POGZ: variants seen among roughly 807,000 people sequenced by gnomAD.
POGZ encodes pogo transposable element derived with ZNF domain, also known as pogo transposable element with ZNF domain.
In POGZ, 17 loss-of-function variants were observed where a neutral mutation model predicts 134.6. The ratio of observed to expected loss-of-function variants is 0.13; its 90% CI spans 0.09 to 0.19. The LOEUF (loss-of-function observed/expected upper bound fraction) is 0.19. Among genes scored for constraint, POGZ ranks in the 10% least tolerant of loss-of-function variants. The pLI is 1.00. For synonymous variants in POGZ, 693 were observed against 657.1 expected (o/e 1.05, Z -0.84); for missense variants, 1,306 against 1,769.7 (o/e 0.74, Z 4.70).
At chr1:151,439,926 TTAA>T (rs1660250609) in intron 3 of POGZ, among the ~76,000 whole-genome samples, 1 of 152,200 alleles carries the variant, frequency 6.6e-6, no homozygotes. Context: ...CAACCCATTG[TTAA>T]TAAGTTAATC....
At chr1:151,429,805 C>T (rs1353691147) in intron 4 of POGZ, 94 bp from the exon 5 acceptor site, 7 of 583,490 alleles carry the variant, frequency 1.2e-5, no homozygotes. Context: ...AATTCCCATA[C>T]TCTTACTTAA....
At chr1:151,446,243 T>A (rs1299780567) in intron 1 of POGZ, among the ~76,000 whole-genome samples, 1 of 137,530 alleles carries the variant, frequency 7.3e-6, no homozygotes, top group Non-Finnish European at 1.6e-5. Flanking sequence ...ATACCAAATC[T>A]TTCTCATAAG....
intron 3 of POGZ, among the ~76,000 whole-genome samples, chr1:151,440,384 T>C (rs913170147): frequency 3.3e-5 from 5 of 152,048 alleles, no homozygotes; most frequent in South Asian, 2.1e-4. Flanking sequence ...AGTGTAGAAA[T>C]AGACATTAGA....
intron 10 of POGZ, among the ~76,000 whole-genome samples, chr1:151,420,689 T>C (rs989704699): frequency 1.3e-5 from 2 of 152,152 alleles, no homozygotes; most frequent in South Asian, 2.1e-4. Context: ...ACCAGCAACA[T>C]GTATCTAGTG....
intron 10 of POGZ, among the ~76,000 whole-genome samples, chr1:151,421,867 C>T (rs980436844): frequency 6.6e-6 from 1 of 152,208 alleles, no homozygotes; most frequent in Non-Finnish European, 1.5e-5. Context: ...ATTCTCATGC[C>T]TTGGCTTCCT....
At chr1:151,432,498 G>A (rs145890704) in intron 3 of POGZ, among the ~76,000 whole-genome samples, 1 of 152,200 alleles carries the variant, frequency 6.6e-6, no homozygotes, top group Non-Finnish European at 1.5e-5. Context: ...ATTCCAGCAA[G>A]TTCTATCCAT....
intron 3 of POGZ, among the ~76,000 whole-genome samples, chr1:151,434,312 T>C (rs1046174528): frequency 2.0e-5 from 3 of 151,330 alleles, no homozygotes; most frequent in South Asian, 2.1e-4. Flanking sequence ...GTCTCAAAAA[T>C]AAAAAATGAA....
At chr1:151,423,277 A>G (rs1180518312) in intron 10 of POGZ, 120 bp downstream of exon 10, 3 of 817,344 alleles carry the variant, frequency 3.7e-6, no homozygotes, top group Non-Finnish European at 5.9e-6. Context: ...ACAAATATGA[A>G]AAGTACTTCC....
chr1:151,452,549 T>C (rs1462771240), intron 1 of POGZ, among the ~76,000 whole-genome samples: 1 of 152,038 alleles, frequency 6.6e-6, no homozygotes. Flanking sequence ...TCAAAAAATA[T>C]TTGGCATGGG....
rs1030558899 is a variant in POGZ at position 151,449,625 on chromosome 1, A to G, written c.-1-7420T>C. 1.6e-4 allele frequency among the ~76,000 whole-genome samples: 25 copies of G among 152,244 alleles called. 1 individual carries two copies. Among genetic ancestry groups the G allele is most frequent in the African/African-American group, 5.8e-4 (24 of 41,470 alleles). ...ATATTTGTCCTCTCAGGCCAGGCAC[A>G]GTGGCTCACGCCTGTAATCCCAGCA... is the stretch of plus-strand genomic sequence containing the variant. On this transcript the variant is annotated intron_variant, in intron 1 of 18. Coordinates refer to ENST00000271715, the MANE Select transcript of POGZ (RefSeq NM_015100.4).
Position 151,428,215 on chromosome 1 carries a change from G to C in POGZ, c.767C>G (p.Ser256Cys). ...TGGCTGTGTGGCAGTGGGAGTGGTA[G>C]AAGTGCTGGGAGTGGACTTGGTCTG... ...SQQTKSTPST[S>C]TTPTATQPTS... Residue 256 changes from serine (S) to cysteine (C), a missense_variant, in exon 6 of 19, where the codon TCT becomes TGT. Around this residue, in one of 10 missense-constraint regions of POGZ, gnomAD observed 541 missense variants for 680.5 expected, o/e 0.80. Transcript: ENST00000271715. The C allele has an allele frequency of 6.2e-7, 1 of 1,614,122 alleles. No individual in the cohort carries two copies.
chr1:151,458,794 G>T (rs925723432), intron 1 of POGZ, among the ~76,000 whole-genome samples: 1 of 145,702 alleles, frequency 6.9e-6, no homozygotes, highest in South Asian at 2.1e-4. Flanking sequence ...CTGTGTGCGG[G>T]GCCGTGGGGC....
At chr1:151,429,414 A>T (rs1459602997) in intron 5 of POGZ, 189 bp downstream of exon 5, 1 of 375,316 alleles carries the variant, frequency 2.7e-6, no homozygotes, top group East Asian at 4.3e-5. Context: ...CTAAACAGAA[A>T]TAAATAAAAC....
intron 10 of POGZ, among the ~76,000 whole-genome samples, chr1:151,418,538 T>C (rs1656202098): frequency 6.6e-6 from 1 of 152,094 alleles, no homozygotes. Context: ...GTGACTATAG[T>C]TTACAATAAC....
chr1:151,450,637 A>G (rs1483638953), intron 1 of POGZ, among the ~76,000 whole-genome samples: 1 of 152,054 alleles, frequency 6.6e-6, no homozygotes, highest in Non-Finnish European at 1.5e-5. Flanking sequence ...TACAGGCATG[A>G]GCAGTCGTGC....
Position 151,406,096 on chromosome 1 carries a change from A to C in POGZ, c.2939T>G (p.Val980Gly). The C allele has an allele frequency of 6.2e-7, 1 of 1,614,088 alleles. No homozygotes were observed. The highest frequency in any genetic ancestry group is 8.5e-7 in the Non-Finnish European group (1 of 1,180,008). Residue 980 changes from valine to glycine, a missense_variant, in exon 19 of 19, where the codon GTA (valine) becomes GGA (glycine). Coordinates refer to ENST00000271715, the MANE Select transcript of POGZ (RefSeq NM_015100.4). ...KEQLSVKKLR[V>G]VLFALCCNTE... is the part of the protein sequence containing the mutation. ...ATTGCAGCATAGAGCAAACAGTACT[A>C]CTCGAAGCTTCTTCACAGACAGCTG...
chr1:151,453,122 A>G lies in POGZ; in HGVS notation c.-2+6030T>C, dbSNP rs559606971. On this transcript the variant is annotated intron_variant, in intron 1 of 18. Coordinates refer to ENST00000271715, the MANE Select transcript of POGZ (RefSeq NM_015100.4). The stretch of plus-strand genomic sequence containing the variant: ...ATTTTTAGTAGAGACAGGTTTCACC[A>G]TGTTGGTCAGGCTGGTCTTGAACTC... Among the ~76,000 whole-genome samples, 154 of 151,944 alleles carry G rather than the reference A, an allele frequency of 1.0e-3. 1 individual carries two copies. The highest frequency in any genetic ancestry group is 3.5e-3 in the African/African-American group (145 of 41,532).
intron 11 of POGZ, 115 bp from the exon 12 acceptor site, chr1:151,411,886 G>T: frequency 1.3e-6 from 1 of 784,766 alleles, no homozygotes; most frequent in East Asian, 2.9e-5. Flanking sequence ...TTTCTCAAAT[G>T]CATAGAAATC....
chr1:151,415,497 C>T (rs542008510), intron 10 of POGZ, among the ~76,000 whole-genome samples: 1 of 151,804 alleles, frequency 6.6e-6, no homozygotes, highest in African/African-American at 2.4e-5. Context: ...GATGAAACCC[C>T]GTCTCTACTA....
Sources: gnomAD v4.1 joint callset for allele counts (sites outside exome capture counted in the v4.1 genomes callset) on GRCh38, gnomAD v4.1.1 for gene constraint, gnomAD v4.1.1 regional missense constraint, MANE v1.5 for transcripts, NCBI Gene and HGNC (gene_info 2026-07-23, HGNC 2026-07-21) for gene names.